SLC39A14: variants seen among roughly 807,000 people sequenced by gnomAD.
SLC39A14 encodes solute carrier family 39 member 14.
In SLC39A14, 19 loss-of-function variants were observed where a neutral mutation model predicts 45.5. The ratio of observed to expected loss-of-function variants is 0.42; its 90% CI spans 0.29 to 0.61. The LOEUF is 0.61. SLC39A14 is among the 20% of genes least tolerant of loss of function. SLC39A14 has a pLI of 0.22. For synonymous variants in SLC39A14, 264 were observed against 251.3 expected (o/e 1.05, Z -0.48); for missense variants, 447 against 616.5 (o/e 0.73, Z 2.91).
In SLC39A14 at chr8:22,371,559, A is replaced by G. The variant is rs150442872; in HGVS notation, c.-16+4151A>G. Among the ~76,000 whole-genome samples, 927 of 148,656 alleles carry G rather than the reference A, an allele frequency of 6.2e-3. 9 individuals carry two copies. Among genetic ancestry groups the G allele is most frequent in the African/African-American group, 0.022 (885 of 40,670 alleles). On this transcript the variant is annotated intron_variant, in intron 1 of 8. Coordinates refer to ENST00000381237, the MANE Select transcript of SLC39A14 (RefSeq NM_001128431.4). The stretch of plus-strand genomic sequence containing the variant: ...AGCAATTCTCTGCCCCAGCCTCCCA[A>G]GTAGCTGTGATCACAGGTGCCTGCC...
intron 1 of SLC39A14, among the ~76,000 whole-genome samples, chr8:22,392,027 G>C (rs188700458): frequency 1.2e-3 from 190 of 152,290 alleles, no homozygotes; most frequent in Middle Eastern, 6.8e-3. Context: ...GAAATAGGAG[G>C]GAAGGATGCA....
chr8:22,394,413 G>A (rs1190732145), intron 1 of SLC39A14, among the ~76,000 whole-genome samples: 3 of 148,752 alleles, frequency 2.0e-5, no homozygotes, highest in African/African-American at 7.5e-5. Context: ...TCCACCTCCC[G>A]AGTTCACGCC....
intron 1 of SLC39A14, among the ~76,000 whole-genome samples, chr8:22,385,936 CTTTAT>C (rs2132219981): frequency 6.6e-6 from 1 of 152,142 alleles, no homozygotes; most frequent in East Asian, 1.9e-4. Context: ...TCAATTTGTA[CTTTAT>C]TTTATTTTAT....
chr8:22,399,237 G>A (rs747543822), intron 1 of SLC39A14, among the ~76,000 whole-genome samples: 2 of 152,196 alleles, frequency 1.3e-5, no homozygotes, highest in Non-Finnish European at 2.9e-5. Flanking sequence ...GCGGACCCCT[G>A]CCCGGCCTCC....
At chr8:22,399,585 T>G (rs1490339222) in intron 1 of SLC39A14, among the ~76,000 whole-genome samples, 6 of 152,226 alleles carry the variant, frequency 3.9e-5, no homozygotes, top group Non-Finnish European at 8.8e-5. Flanking sequence ...CAGTGCCCAG[T>G]GCAGCACACG....
intron 1 of SLC39A14, among the ~76,000 whole-genome samples, chr8:22,374,003 C>T (rs924478446): frequency 2.0e-5 from 3 of 152,194 alleles, no homozygotes; most frequent in Non-Finnish European, 2.9e-5. Flanking sequence ...AGTGATCCAC[C>T]GGTCTTGGCC....
intron 1 of SLC39A14, among the ~76,000 whole-genome samples, chr8:22,404,180 T>C (rs2132305797): frequency 6.6e-6 from 1 of 152,176 alleles, no homozygotes; most frequent in South Asian, 2.1e-4. Context: ...TTCCAGCACT[T>C]TGGGGGGCCG....
chr8:22,378,889 T>G (rs992782464), intron 1 of SLC39A14, among the ~76,000 whole-genome samples: 4 of 152,212 alleles, frequency 2.6e-5, no homozygotes, highest in African/African-American at 7.2e-5. Flanking sequence ...TATTTACCTG[T>G]GGATCTGTGT....
chr8:22,377,366 G>C (rs1833273352), intron 1 of SLC39A14, among the ~76,000 whole-genome samples: 1 of 151,982 alleles, frequency 6.6e-6, no homozygotes, highest in Admixed American at 6.6e-5. Flanking sequence ...CTAGAGTCAG[G>C]CACTTCTCCA....
intron 1 of SLC39A14, among the ~76,000 whole-genome samples, chr8:22,372,533 G>T (rs1832991630): frequency 6.6e-6 from 1 of 152,078 alleles, no homozygotes; most frequent in African/African-American, 2.4e-5. Context: ...AAGTGGAATC[G>T]CTGGGTAAAA....
At chr8:22,378,543 C>T (rs1429480973) in intron 1 of SLC39A14, among the ~76,000 whole-genome samples, 1 of 152,210 alleles carries the variant, frequency 6.6e-6, no homozygotes, top group Non-Finnish European at 1.5e-5. Flanking sequence ...CCCATATTTC[C>T]TTTCCATGTG....
At chr8:22,425,367 G>C (rs1172063706), downstream of SLC39A14, among the ~76,000 whole-genome samples, 1 of 152,162 alleles carries the variant, frequency 6.6e-6, no homozygotes, top group East Asian at 1.9e-4. Flanking sequence ...AAAATGCTAT[G>C]AGTGTTCTCT....
chr8:22,375,608 C>A (rs1396042432), intron 1 of SLC39A14, among the ~76,000 whole-genome samples: 4 of 152,062 alleles, frequency 2.6e-5, no homozygotes, highest in Non-Finnish European at 4.4e-5. Context: ...GCCTCAGCGC[C>A]CCCTAATAAT....
intron 1 of SLC39A14, among the ~76,000 whole-genome samples, chr8:22,374,987 C>G (rs1016740655): frequency 5.3e-5 from 8 of 151,922 alleles, no homozygotes; most frequent in Non-Finnish European, 1.0e-4. Flanking sequence ...CTCAAGTGAT[C>G]CACCCGCCTT....
rs898225550 is a variant in SLC39A14, at chr8:22,422,605, A to T, written c.*2907A>T. 1.8e-4 allele frequency: 175 copies of T among 983,786 alleles called. No individual in the cohort carries two copies. In the African/African-American group the frequency reaches 2.9e-3, roughly 16 times the overall value. 60.9% of individuals were successfully genotyped at this position (983,786 alleles called of 1,614,324 possible). A position where few individuals can be genotyped will look rare whatever the true frequency, so the allele number is the denominator to read the frequency against. ...TCAGGTGTATGAGAAGAAATTAGAA[A>T]AGAAAATTAACTTATGTGGACTGTA... On this transcript the variant is annotated 3_prime_UTR_variant, in exon 9 of 9. Transcript: ENST00000381237.
chr8:22,415,656 C>T (rs1835828502), intron 5 of SLC39A14, 113 bp from the exon 6 acceptor site: 3 of 962,694 alleles, frequency 3.1e-6, no homozygotes, highest in East Asian at 5.4e-5. Context: ...GTGTCATCTT[C>T]GATGGTAAGG....
intron 4 of SLC39A14, 102 bp downstream of exon 4, chr8:22,412,308 C>T: frequency 7.9e-7 from 1 of 1,265,606 alleles, no homozygotes; most frequent in Non-Finnish European, 1.1e-6. Flanking sequence ...GAGGCCCTTT[C>T]CTTTTGGAAA....
chr8:22,374,965 C>T (rs1277629670), intron 1 of SLC39A14, among the ~76,000 whole-genome samples: 1 of 151,816 alleles, frequency 6.6e-6, no homozygotes, highest in Non-Finnish European at 1.5e-5. Context: ...AGCCTGGTCT[C>T]GAACTCCTGA....
At chr8:22,416,370 G>A (rs758637611) in intron 7 of SLC39A14, 90 bp downstream of exon 7, 69 of 1,043,590 alleles carry the variant, frequency 6.6e-5, no homozygotes, top group Non-Finnish European at 9.4e-5. Context: ...CCATCTCCCT[G>A]TCTTCACAGT....
Sources: allele counts gnomAD v4.1 joint callset (sites outside exome capture counted in the v4.1 genomes callset), GRCh38; gene constraint gnomAD v4.1.1; transcripts MANE v1.5; gene names NCBI Gene and HGNC (gene_info 2026-07-23, HGNC 2026-07-21).